The following CGNL1 variants were observed in gnomAD, a reference collection of about 807,000 sequenced individuals.
The protein encoded by CGNL1 is cingulin-like protein 1.
A neutral mutation model predicts 141.2 loss-of-function variants in CGNL1; 132 were observed. That is an observed-to-expected ratio of 0.93 (90% CI 0.81 to 1.08). The LOEUF (loss-of-function observed/expected upper bound fraction) is 1.08. Among genes scored for constraint, CGNL1 ranks in the 50% least tolerant of loss-of-function variants. CGNL1 has a pLI of 0.00. For synonymous variants in CGNL1, 690 were observed against 622.1 expected (o/e 1.11, Z -1.63); for missense variants, 1,870 against 1,588.6 (o/e 1.18, Z -3.01).
At chr15:57,403,380 C>G (rs1233157300) in intron 1 of CGNL1, among the ~76,000 whole-genome samples, 2 of 152,188 alleles carry the variant, frequency 1.3e-5, no homozygotes, top group East Asian at 1.9e-4. Flanking sequence ...CCCTTTCCCC[C>G]CAACAACATT....
chr15:57,460,744 G>A (rs2063435410), intron 7 of CGNL1, among the ~76,000 whole-genome samples: 1 of 152,112 alleles, frequency 6.6e-6, no homozygotes, highest in Admixed American at 6.5e-5. Context: ...CTCCCACAGT[G>A]TCCCCCCCTT....
chr15:57,479,245 T>C (rs1288761840), intron 8 of CGNL1, among the ~76,000 whole-genome samples: 2 of 151,864 alleles, frequency 1.3e-5, no homozygotes, highest in Non-Finnish European at 2.9e-5. Flanking sequence ...GGTGAGGGTG[T>C]GGAGGATGGG....
In CGNL1 at chr15:57,394,099, CTGTT is replaced by C. The variant is rs1283631341; in HGVS notation, c.-16+17538_-16+17541del. Reference sequence around the variant, plus strand: ...ACGCACCACCAAACCAGGGTAATTTCTGTTTGTTTTTTTTTTTTTTTTTGAGATG... The same window carrying C: ...ACGCACCACCAAACCAGGGTAATTTCTGTTTTTTTTTTTTTTTTTGAGATG... On this transcript the variant is annotated intron_variant, in intron 1 of 18. Transcript: ENST00000281282. 6.4e-3 allele frequency: 220 copies of C among 34,172 alleles called. 20 individuals carry two copies. Among genetic ancestry groups the C allele is most frequent in the East Asian group, 9.2e-3 (7 of 758 alleles). 2.1% of individuals were successfully genotyped at this position (34,172 alleles called of 1,614,324 possible).
At position 57,404,033 on chromosome 15, in the gene CGNL1, C is replaced by T. The variant is rs2062688323; in HGVS notation, c.-16+27466C>T. Reference sequence around the variant, plus strand: ...AGCTAGTGCTGGGTGTCAGACTTGACTTTCCAACTACTTCCAGTGCAATTC... The same window carrying T: ...AGCTAGTGCTGGGTGTCAGACTTGATTTTCCAACTACTTCCAGTGCAATTC... On this transcript the variant is annotated intron_variant, in intron 1 of 18. Transcript: ENST00000281282. Among the ~76,000 whole-genome samples the T allele has an allele frequency of 2.0e-5, 3 of 152,240 alleles. No individual in the cohort carries two copies. The South Asian group carries it at 6.2e-4, about 32-fold the overall frequency.
chr15:57,449,286 C>G (rs2063293738), intron 4 of CGNL1, among the ~76,000 whole-genome samples: 1 of 152,212 alleles, frequency 6.6e-6, no homozygotes, highest in South Asian at 2.1e-4. Flanking sequence ...GACCTCTCTC[C>G]TCTCTCATAC....
At chr15:57,467,877 A>G (rs1238143603) in intron 8 of CGNL1, among the ~76,000 whole-genome samples, 1 of 151,778 alleles carries the variant, frequency 6.6e-6, no homozygotes, top group Non-Finnish European at 1.5e-5. Context: ...TTTAGTAGAG[A>G]TGGGGTTTCA....
chr15:57,540,727 T>C (rs1295151244), intron 14 of CGNL1, among the ~76,000 whole-genome samples: 1 of 152,216 alleles, frequency 6.6e-6, no homozygotes, highest in Non-Finnish European at 1.5e-5. Flanking sequence ...TGACCTCTTA[T>C]GCAGGGCTCG....
At chr15:57,430,077 C>T (rs527639705) in intron 1 of CGNL1, among the ~76,000 whole-genome samples, 1 of 152,342 alleles carries the variant, frequency 6.6e-6, no homozygotes, top group African/African-American at 2.4e-5. Context: ...TCCCAAAGTG[C>T]TGGGGTGACT....
intron 8 of CGNL1, among the ~76,000 whole-genome samples, chr15:57,473,151 C>T (rs181589276): frequency 4.1e-4 from 62 of 152,136 alleles, no homozygotes; most frequent in African/African-American, 1.3e-3. Flanking sequence ...TAGCCTGGGA[C>T]AGTCACAGCC....
intron 3 of CGNL1, among the ~76,000 whole-genome samples, chr15:57,441,390 A>G (rs2063185455): frequency 1.3e-5 from 2 of 151,544 alleles, no homozygotes; most frequent in African/African-American, 4.9e-5. Context: ...ATTTTTTGGG[A>G]CAGAGTCTCA....
chr15:57,476,913 T>C (rs1206844881), intron 8 of CGNL1, among the ~76,000 whole-genome samples: 2 of 152,192 alleles, frequency 1.3e-5, no homozygotes, highest in Non-Finnish European at 2.9e-5. Flanking sequence ...CCTCAGGAAA[T>C]TCCAAAGTCA....
At chr15:57,418,459 C>G (rs1595682807) in intron 1 of CGNL1, among the ~76,000 whole-genome samples, 1 of 152,102 alleles carries the variant, frequency 6.6e-6, no homozygotes, top group East Asian at 1.9e-4. Flanking sequence ...TCATGTCTGT[C>G]TTGGAGAAGC....
At chr15:57,405,471 C>G (rs1354220424) in intron 1 of CGNL1, among the ~76,000 whole-genome samples, 1 of 152,166 alleles carries the variant, frequency 6.6e-6, no homozygotes, top group African/African-American at 2.4e-5. Flanking sequence ...CTTTCCAAAC[C>G]TTTGTGCTGT....
At chr15:57,465,401 T>C (rs2063498898) in intron 8 of CGNL1, among the ~76,000 whole-genome samples, 1 of 147,236 alleles carries the variant, frequency 6.8e-6, no homozygotes, top group Admixed American at 6.7e-5. Flanking sequence ...TTTTTTTTTT[T>C]TTTTTTTAAG....
intron 1 of CGNL1, among the ~76,000 whole-genome samples, chr15:57,417,083 G>A (rs2062856955): frequency 6.6e-6 from 1 of 152,158 alleles, no homozygotes; most frequent in South Asian, 2.1e-4. Flanking sequence ...ATACTTACCT[G>A]GCGGGGTTGC....
intron 1 of CGNL1, among the ~76,000 whole-genome samples, chr15:57,414,999 A>C (rs1230841258): frequency 6.6e-6 from 1 of 152,156 alleles, no homozygotes; most frequent in Non-Finnish European, 1.5e-5. Flanking sequence ...ACAATGAAGA[A>C]TCTTCTGGGG....
chr15:57,443,958 G>T (rs1235006502), intron 4 of CGNL1, among the ~76,000 whole-genome samples: 3 of 152,092 alleles, frequency 2.0e-5, no homozygotes, highest in African/African-American at 4.8e-5. Flanking sequence ...TTTTATTGGG[G>T]TATAACTTAT....
At chr15:57,389,823 GT>G (rs202074745) in intron 1 of CGNL1, among the ~76,000 whole-genome samples, 5 of 150,726 alleles carry the variant, frequency 3.3e-5, no homozygotes, top group African/African-American at 9.7e-5. Context: ...TTTTGTTTTT[GT>G]TTTTTTTTGA....
chr15:57,422,746 G>A (rs760209818), intron 1 of CGNL1, among the ~76,000 whole-genome samples: 2 of 152,206 alleles, frequency 1.3e-5, no homozygotes, highest in South Asian at 4.1e-4. Flanking sequence ...GAGGCACCTA[G>A]TGTCAGTATT....
Sources: gnomAD v4.1 joint callset for allele counts (sites outside exome capture counted in the v4.1 genomes callset) on GRCh38, gnomAD v4.1.1 for gene constraint, MANE v1.5 for transcripts, NCBI Gene and HGNC (gene_info 2026-07-23, HGNC 2026-07-21) for gene names.